DOCK6: variants seen among roughly 807,000 people sequenced by gnomAD.
DOCK6 encodes the protein dedicator of cytokinesis 6.
Under a neutral mutation model 230.3 loss-of-function variants are expected in DOCK6, and 167 were observed. The observed-to-expected ratio is 0.73, with a 90% CI of 0.64 to 0.82. The LOEUF (loss-of-function observed/expected upper bound fraction) is 0.82, where lower values mean the gene tolerates loss of function less well. Among genes scored for constraint, DOCK6 ranks in the 40% least tolerant of loss-of-function variants. The pLI, the probability that DOCK6 is intolerant of heterozygous loss-of-function variation, is 0.00. For missense variants in DOCK6, 2,598 were observed against 2,825.8 expected, an observed-to-expected ratio of 0.92 and a Z score of 1.83; for synonymous variants, 1,148 against 1,185.0, an observed-to-expected ratio of 0.97 and a Z score of 0.64.
rs866724727 is a variant in DOCK6, at chr19:11,199,464, G to T, written c.*33C>A. 1 of 1,565,636 alleles carries T rather than the reference G, an allele frequency of 6.4e-7. No homozygotes were observed. Among genetic ancestry groups the T allele is most frequent in the Non-Finnish European group, 8.7e-7 (1 of 1,154,892 alleles). ...ACAGACAGCTGAGGCCCGGGTGCTG[G>T]TTCCTCTAGGTACAGCTTTGGTCCT... On this transcript the variant is annotated 3_prime_UTR_variant, in exon 48 of 48. Coordinates refer to ENST00000294618, the MANE Select transcript of DOCK6 (RefSeq NM_020812.4).
intron 22 of DOCK6, among the ~76,000 whole-genome samples, chr19:11,230,505 AGAG>A (rs1281769983): frequency 1.4e-4 from 22 of 152,284 alleles, no homozygotes; most frequent in African/African-American, 5.1e-4. Flanking sequence ...GGGTGAAGGC[AGAG>A]GAGATGAAAT....
At chr19:11,224,214 C>CTTTCT (rs768175902) in intron 24 of DOCK6, among the ~76,000 whole-genome samples, 16 of 142,154 alleles carry the variant, frequency 1.1e-4, no homozygotes, top group East Asian at 2.1e-4. Context: ...TTCTTTCTTT[C>CTTTCT]TTTTTTTTTT....
intron 14 of DOCK6, chr19:11,239,706 C>A (rs2079909965): frequency 6.2e-7 from 1 of 1,613,556 alleles, no homozygotes; most frequent in African/African-American, 1.3e-5. Context: ...CAGCGGCCCC[C>A]ATGGGCGGCC....
Position 11,252,192 on chromosome 19 carries a change from C to A in DOCK6, c.434G>T (p.Arg145Leu), listed in dbSNP as rs140883567. Reference protein sequence around the residue: ...SPVTTDTQRERQKGLPRQVFE... With the variant: ...SPVTTDTQRELQKGLPRQVFE... ...GACCTGGCGGGGGAGGCCCTTCTGT[C>A]GCTCCCGCTGTGTGTCTGTGGTGAC... The change falls in exon 5 of 48, where the codon CGA becomes CTA. Residue 145 changes from arginine (R) to leucine (L), a missense_variant. Transcript: ENST00000294618. The A allele has an allele frequency of 1.3e-6, 2 of 1,582,056 alleles. No individual in the cohort carries two copies. The highest frequency in any genetic ancestry group is 3.7e-5 in the Admixed American group (2 of 54,426).
Position 11,200,154 on chromosome 19 carries a change from A to G in DOCK6, c.6101+154T>C, listed in dbSNP as rs1380082996. Among the ~76,000 whole-genome samples, 4 of 151,424 alleles carry G rather than the reference A, an allele frequency of 2.6e-5. No homozygotes were observed. The highest frequency in any genetic ancestry group is 9.7e-5 in the African/African-American group (4 of 41,088). Reference sequence around the variant, plus strand: ...CAACAGAGGGAGAGTCTCTCAAAAAAAAAAACAAAAAAAAAACCGGAAACA... The same window carrying G: ...CAACAGAGGGAGAGTCTCTCAAAAAGAAAAACAAAAAAAAAACCGGAAACA... On this transcript the variant is annotated intron_variant, in intron 47 of 47. Coordinates refer to ENST00000294618, the MANE Select transcript of DOCK6 (RefSeq NM_020812.4). The surrounding 1 kb of genome is among the most constrained non-coding windows in gnomAD (Gnocchi z 4.3).
chr19:11,242,861 G>A (rs2079968781), intron 13 of DOCK6, among the ~76,000 whole-genome samples, 198 bp downstream of exon 13: 1 of 152,172 alleles, frequency 6.6e-6, no homozygotes, highest in East Asian at 1.9e-4. Flanking sequence ...ACCTATTGAC[G>A]CTGTATCCAT....
At chr19:11,232,106 G>T in intron 22 of DOCK6, 1 of 1,117,294 alleles carries the variant, frequency 9.0e-7, no homozygotes, top group Non-Finnish European at 1.2e-6. Context: ...CCCTAGGTTA[G>T]TCAGATGCAG....
At chr19:11,232,220 G>A (rs559950585) in intron 22 of DOCK6, 33 of 1,289,552 alleles carry the variant, frequency 2.6e-5, no homozygotes, top group Middle Eastern at 2.1e-4. Context: ...GGGGGCGCCC[G>A]CCGCAGCACA....
intron 1 of DOCK6, among the ~76,000 whole-genome samples, chr19:11,261,586 C>T (rs2080289668): frequency 6.6e-6 from 1 of 152,176 alleles, no homozygotes; most frequent in Admixed American, 6.5e-5. Flanking sequence ...GACCCCCCGC[C>T]AACTGGGGGC....
At chr19:11,210,145 A>C (rs1600859893) in intron 37 of DOCK6, among the ~76,000 whole-genome samples, 5 of 95,888 alleles carry the variant, frequency 5.2e-5, no homozygotes, top group Admixed American at 2.2e-4. Flanking sequence ...CCACTCTCTC[A>C]CCTGTCCACC....
rs35933920 is a variant in DOCK6 at position 11,257,482 on chromosome 19, TAAAAAAAAAAA to T, written c.45-3767_45-3757del. On this transcript the variant is annotated intron_variant, in intron 1 of 47. Coordinates refer to ENST00000294618, the MANE Select transcript of DOCK6 (RefSeq NM_020812.4). ...CCTGGGCTACAGAGACACTGTCTCT[TAAAAAAAAAAA>T]AAAAAAAAAAAAAAGCTGGGCACTG... Among the ~76,000 whole-genome samples, 83 of 78,628 alleles carry T rather than the reference TAAAAAAAAAAA, an allele frequency of 1.1e-3. 2 individuals carry two copies. Among genetic ancestry groups the T allele is most frequent in the African/African-American group, 3.8e-3 (77 of 20,204 alleles). 51.6% of individuals were successfully genotyped at this position (78,628 alleles called of 152,430 possible).
At chr19:11,238,895 A>C (rs1266709935) in intron 14 of DOCK6, 3 of 155,648 alleles carry the variant, frequency 1.9e-5, no homozygotes. Flanking sequence ...GATGATGATA[A>C]ATAACAACAA....
At chr19:11,208,652 C>A (rs1321771701) in intron 39 of DOCK6, 34 bp downstream of exon 39, 1 of 1,590,552 alleles carries the variant, frequency 6.3e-7, no homozygotes, top group Non-Finnish European at 8.6e-7. Flanking sequence ...CTGGCCCGAG[C>A]CCCCTCTCCT....
rs962291390 is a variant in DOCK6, at chr19:11,259,203, C to T, written c.44+3194G>A. ...AGGAGCTGGGACTACAGGTATGAGC[C>T]ACCATCACACCTGGGTAATTTTGTT... is the stretch of plus-strand genomic sequence containing the variant. On this transcript the variant is annotated intron_variant, in intron 1 of 47. Coordinates refer to ENST00000294618, the MANE Select transcript of DOCK6 (RefSeq NM_020812.4). Among the ~76,000 whole-genome samples, 105 of 152,060 alleles carry T rather than the reference C, an allele frequency of 6.9e-4. 1 individual carries two copies. Among genetic ancestry groups the T allele is most frequent in the Admixed American group, 6.9e-3 (105 of 15,242 alleles).
intron 24 of DOCK6, among the ~76,000 whole-genome samples, chr19:11,224,250 G>A (rs868093649): frequency 2.4e-5 from 3 of 125,658 alleles, no homozygotes; most frequent in Admixed American, 1.8e-4. Context: ...TTGCTCTGTC[G>A]CCCAGGCTAT....
At chr19:11,257,590 A>T (rs1399283943) in intron 1 of DOCK6, among the ~76,000 whole-genome samples, 1 of 151,288 alleles carries the variant, frequency 6.6e-6, no homozygotes, top group Admixed American at 6.6e-5. Context: ...GGTGTTTGAC[A>T]CCAGCCTGGC....
chr19:11,200,777 C>T lies in DOCK6; in HGVS notation c.5878G>A (p.Asp1960Asn), dbSNP rs752991723. 1.2e-6 allele frequency: 2 copies of T among 1,613,480 alleles called. No homozygotes were observed. Among genetic ancestry groups the T allele is most frequent in the East Asian group, 2.2e-5 (1 of 44,858 alleles). ...TTGTGATGCCGGAAGAGCTTGGGGT[C>T]TTCCGGGATCTCTGCTAAAAACACC... Reference protein sequence around the residue: ...AQVFLAEIPEDPKLFRHHNKL... With the variant: ...AQVFLAEIPENPKLFRHHNKL... Residue 1960 changes from aspartate to asparagine, a missense_variant, in exon 46 of 48, where the codon GAC (aspartate) becomes AAC (asparagine). Physicochemically the swap from Asp to Asn is conservative, Grantham distance 23 (BLOSUM62 1). Transcript: ENST00000294618. This position sits in a 1 kb window ranked among gnomAD's most constrained non-coding sequence, Gnocchi z 4.3.
At chr19:11,259,361 G>A (rs2080246440) in intron 1 of DOCK6, among the ~76,000 whole-genome samples, 1 of 151,872 alleles carries the variant, frequency 6.6e-6, no homozygotes, top group African/African-American at 2.4e-5. Context: ...AATGTTGTAT[G>A]TTACAGTTGT....
At chr19:11,240,271 C>A in intron 14 of DOCK6, 2 of 1,583,114 alleles carry the variant, frequency 1.3e-6, no homozygotes, top group South Asian at 1.2e-5. Context: ...CTGGGCCCTG[C>A]CTACCGAGAA....
Sources: gnomAD v4.1 joint callset for allele counts (sites outside exome capture counted in the v4.1 genomes callset) on GRCh38, gnomAD v4.1.1 for gene constraint, Gnocchi (gnomAD v3.1) non-coding constraint, MANE v1.5 for transcripts, NCBI Gene and HGNC (gene_info 2026-07-23, HGNC 2026-07-21) for gene names.